The following PTPRD variants were observed in gnomAD, a reference collection of about 807,000 sequenced individuals.
PTPRD encodes protein tyrosine phosphatase receptor type D, also known as receptor-type tyrosine-protein phosphatase delta.
A neutral mutation model predicts 214.5 loss-of-function variants in PTPRD; 34 were observed. That is an observed-to-expected ratio of 0.16 (90% CI 0.12 to 0.21). The LOEUF is 0.21. PTPRD is among the 10% of genes least tolerant of loss of function. PTPRD has a pLI of 1.00. For missense variants in PTPRD, 2,545 were observed against 2,398.7 expected, an observed-to-expected ratio of 1.06 and a Z score of -1.27; for synonymous variants, 1,128 against 845.7, an observed-to-expected ratio of 1.33 and a Z score of -5.79.
chr9:8,358,139 A>G (rs1035151169), intron 39 of PTPRD, among the ~76,000 whole-genome samples: 2 of 152,176 alleles, frequency 1.3e-5, no homozygotes, highest in East Asian at 3.9e-4. Context: ...GCATAGTTCT[A>G]AGGGAGGATG....
chr9:9,351,657 A>C (rs576812596), intron 9 of PTPRD, among the ~76,000 whole-genome samples: 2 of 152,168 alleles, frequency 1.3e-5, no homozygotes, highest in East Asian at 1.9e-4. Flanking sequence ...GGAATAAAGA[A>C]GACTGAAATA....
intron 5 of PTPRD, among the ~76,000 whole-genome samples, chr9:9,919,775 C>T (rs1335064746): frequency 1.3e-5 from 2 of 152,128 alleles, no homozygotes; most frequent in South Asian, 2.1e-4. Context: ...ACTATTTAAC[C>T]TGCCTGAGTG....
At chr9:9,627,426 G>C (rs372646172) in intron 7 of PTPRD, among the ~76,000 whole-genome samples, 4 of 152,300 alleles carry the variant, frequency 2.6e-5, no homozygotes, top group East Asian at 3.9e-4. Context: ...ACTTTGCTCT[G>C]ATGAGAGAGC....
chr9:10,402,093 G>T (rs2098278553), intron 2 of PTPRD, among the ~76,000 whole-genome samples: 1 of 151,438 alleles, frequency 6.6e-6, no homozygotes, highest in Non-Finnish European at 1.5e-5. Context: ...AAAATCAAAA[G>T]AAAAAGGGTA....
chr9:8,535,810 TC>T (rs2076794459), intron 14 of PTPRD, among the ~76,000 whole-genome samples: 1 of 151,946 alleles, frequency 6.6e-6, no homozygotes, highest in African/African-American at 2.4e-5. Context: ...GTACAAAGTC[TC>T]CATAAACTAG....
chr9:8,755,989 A>T (rs557466198), intron 11 of PTPRD, among the ~76,000 whole-genome samples: 1 of 152,234 alleles, frequency 6.6e-6, no homozygotes, highest in South Asian at 2.1e-4. Flanking sequence ...AATGATAAAC[A>T]TTAGTATGTG....
At chr9:10,128,603 C>T (rs2098836811) in intron 3 of PTPRD, among the ~76,000 whole-genome samples, 1 of 152,158 alleles carries the variant, frequency 6.6e-6, no homozygotes, top group African/African-American at 2.4e-5. Context: ...GTTTAAGCCA[C>T]CCATATTGTG....
At chr9:9,290,132 C>T (rs1174122017) in intron 9 of PTPRD, among the ~76,000 whole-genome samples, 2 of 151,616 alleles carry the variant, frequency 1.3e-5, no homozygotes, top group Non-Finnish European at 3.0e-5. Flanking sequence ...TACCTCTTGT[C>T]TTTTTCATAA....
chr9:8,900,426 A>T (rs935022386), intron 11 of PTPRD, among the ~76,000 whole-genome samples: 1 of 152,242 alleles, frequency 6.6e-6, no homozygotes, highest in Non-Finnish European at 1.5e-5. Flanking sequence ...TGGCACAATC[A>T]TAAACAATAA....
intron 9 of PTPRD, among the ~76,000 whole-genome samples, chr9:9,191,971 C>T (rs1326962483): frequency 6.6e-6 from 1 of 151,872 alleles, no homozygotes; most frequent in Non-Finnish European, 1.5e-5. Context: ...TTTCATGTTG[C>T]CCCAATATAA....
intron 7 of PTPRD, among the ~76,000 whole-genome samples, chr9:9,726,500 G>A (rs1441505145): frequency 6.6e-6 from 1 of 152,078 alleles, no homozygotes; most frequent in Non-Finnish European, 1.5e-5. Flanking sequence ...AGTGCTTTAG[G>A]AAGATGCTAT....
At chr9:9,144,115 A>T (rs10977527) in intron 10 of PTPRD, among the ~76,000 whole-genome samples, 34,782 of 152,182 alleles carry the variant, frequency 0.23, 4,139 homozygotes, top group South Asian at 0.32. Context: ...AGATCCATAT[A>T]ATACGTCAAC....
At chr9:9,364,036 T>C (rs967694458) in intron 9 of PTPRD, among the ~76,000 whole-genome samples, 1 of 151,438 alleles carries the variant, frequency 6.6e-6, no homozygotes, top group Non-Finnish European at 1.5e-5. Context: ...ACATAACTTC[T>C]ATAATACTTT....
intron 7 of PTPRD, among the ~76,000 whole-genome samples, chr9:9,722,606 G>T (rs934733571): frequency 6.6e-6 from 1 of 151,904 alleles, no homozygotes; most frequent in African/African-American, 2.4e-5. Flanking sequence ...TCCAAGTCAC[G>T]TAGTAATGCT....
At chr9:10,275,201 T>C (rs1595904171) in intron 3 of PTPRD, among the ~76,000 whole-genome samples, 1 of 152,106 alleles carries the variant, frequency 6.6e-6, no homozygotes, top group Non-Finnish European at 1.5e-5. Context: ...GCGAAGTATC[T>C]TTTTTCTTTT....
At chr9:9,849,203 A>C (rs886793877) in intron 5 of PTPRD, among the ~76,000 whole-genome samples, 1 of 152,084 alleles carries the variant, frequency 6.6e-6, no homozygotes, top group Non-Finnish European at 1.5e-5. Flanking sequence ...GCTACTCACA[A>C]TGAATTCCAG....
chr9:8,741,428 A>G (rs999845808), intron 11 of PTPRD, among the ~76,000 whole-genome samples: 3 of 152,144 alleles, frequency 2.0e-5, no homozygotes, highest in African/African-American at 7.2e-5. Flanking sequence ...TTGGAACTCT[A>G]ATATTTGTTC....
chr9:9,986,346 T>A (rs887593059), intron 4 of PTPRD, among the ~76,000 whole-genome samples: 1 of 152,186 alleles, frequency 6.6e-6, no homozygotes, highest in African/African-American at 2.4e-5. Flanking sequence ...ACTAAGTGTC[T>A]ATCAACAGGA....
At chr9:10,025,670 A>G (rs1774858186) in intron 4 of PTPRD, among the ~76,000 whole-genome samples, 1 of 152,150 alleles carries the variant, frequency 6.6e-6, no homozygotes, top group Admixed American at 6.5e-5. Context: ...AAATTAGATA[A>G]CCTTTAAATC....
Sources: allele counts gnomAD v4.1 joint callset (sites outside exome capture counted in the v4.1 genomes callset), GRCh38; gene constraint gnomAD v4.1.1; transcripts MANE v1.5; gene names NCBI Gene and HGNC (gene_info 2026-07-23, HGNC 2026-07-21).